PRKCE: variants seen among roughly 807,000 people sequenced by gnomAD.
The protein encoded by PRKCE is protein kinase C epsilon type.
In PRKCE, 16 loss-of-function variants were observed where a neutral mutation model predicts 85.4. The ratio of observed to expected loss-of-function variants is 0.19; its 90% CI spans 0.13 to 0.28. The LOEUF is 0.28. Ranked by LOEUF, PRKCE falls within the 10% of genes least tolerant of loss-of-function variation. PRKCE has a pLI of 1.00. For missense variants in PRKCE, 573 were observed against 975.2 expected, an observed-to-expected ratio of 0.59 and a Z score of 5.49; for synonymous variants, 388 against 371.5, an observed-to-expected ratio of 1.04 and a Z score of -0.51.
chr2:46,031,373 C>T (rs1707501524), intron 10 of PRKCE, among the ~76,000 whole-genome samples: 1 of 152,164 alleles, frequency 6.6e-6, no homozygotes, highest in African/African-American at 2.4e-5. Flanking sequence ...CCTTGATTGT[C>T]CTGACCTCCC....
rs973297921 is a variant in PRKCE, at chr2:45,895,605, A to G, written c.412+52542A>G. On this transcript the variant is annotated intron_variant, in intron 2 of 14. Coordinates refer to ENST00000306156, the MANE Select transcript of PRKCE (RefSeq NM_005400.3). The surrounding 1 kb of genome is among the most constrained non-coding windows in gnomAD (Gnocchi z 4.8). The stretch of plus-strand genomic sequence containing the variant: ...TTTTCTGAGTTTATGCAAAATGATC[A>G]TGTTTTATTCATTTGGTAGAAGTCA... Among the ~76,000 whole-genome samples, 1 of 152,186 alleles carries G rather than the reference A, an allele frequency of 6.6e-6. No individual in the cohort carries two copies. The highest frequency in any genetic ancestry group is 1.5e-5 in the Non-Finnish European group (1 of 68,032).
intron 2 of PRKCE, among the ~76,000 whole-genome samples, chr2:45,954,359 T>C (rs1303280806): frequency 6.6e-6 from 1 of 152,234 alleles, no homozygotes; most frequent in East Asian, 1.9e-4. Context: ...TGTGATCAAA[T>C]TGTAAGTTCC....
chr2:46,053,018 G>C (rs1467072166), intron 10 of PRKCE, among the ~76,000 whole-genome samples: 1 of 152,220 alleles, frequency 6.6e-6, no homozygotes, highest in Non-Finnish European at 1.5e-5. Flanking sequence ...TCACCCAACT[G>C]CCTGTGAACT....
intron 2 of PRKCE, among the ~76,000 whole-genome samples, chr2:45,859,542 A>G (rs2105638486): frequency 6.6e-6 from 1 of 152,234 alleles, no homozygotes; most frequent in South Asian, 2.1e-4. Flanking sequence ...TATAGTTTTA[A>G]TTTATATTTA....
chr2:45,901,746 G>T (rs1253927015), intron 2 of PRKCE, among the ~76,000 whole-genome samples: 3 of 152,092 alleles, frequency 2.0e-5, no homozygotes, highest in African/African-American at 7.2e-5. Flanking sequence ...CTCAGTCTTG[G>T]GGTAGAAGAT....
At chr2:45,896,509 C>G (rs982992779) in intron 2 of PRKCE, among the ~76,000 whole-genome samples, 5 of 152,282 alleles carry the variant, frequency 3.3e-5, no homozygotes, top group East Asian at 3.9e-4. Context: ...TTTTTCTGAA[C>G]TTCTCTTTTC....
chr2:45,763,598 A>C (rs1318581638), intron 1 of PRKCE, among the ~76,000 whole-genome samples: 1 of 151,988 alleles, frequency 6.6e-6, no homozygotes, highest in East Asian at 1.9e-4. Flanking sequence ...AAGTTTAGTA[A>C]TACTCAGTGT....
At chr2:45,835,494 C>T (rs532453959) in intron 1 of PRKCE, among the ~76,000 whole-genome samples, 7 of 152,114 alleles carry the variant, frequency 4.6e-5, no homozygotes, top group South Asian at 4.1e-4. Context: ...TTGTTTTGCC[C>T]GTTCTAGAAC....
intron 1 of PRKCE, among the ~76,000 whole-genome samples, chr2:45,708,276 C>T (rs1285822169): frequency 6.6e-6 from 1 of 152,196 alleles, no homozygotes; most frequent in Admixed American, 6.5e-5. Flanking sequence ...TATGTGTCCA[C>T]CAAAGCCTAC....
chr2:45,880,194 A>G (rs919165476), intron 2 of PRKCE, among the ~76,000 whole-genome samples: 7 of 152,126 alleles, frequency 4.6e-5, no homozygotes, highest in African/African-American at 1.7e-4. Flanking sequence ...AAATGACAAG[A>G]TTTCATTCTT....
chr2:45,725,907 C>T (rs1681033003), intron 1 of PRKCE, among the ~76,000 whole-genome samples: 1 of 151,890 alleles, frequency 6.6e-6, no homozygotes, highest in African/African-American at 2.4e-5. Context: ...AAAATTTCAA[C>T]ATTATCAAAA....
intron 10 of PRKCE, among the ~76,000 whole-genome samples, chr2:46,026,041 C>T (rs1215266826): frequency 6.6e-6 from 1 of 152,210 alleles, no homozygotes; most frequent in Non-Finnish European, 1.5e-5. Flanking sequence ...GATTCTTGTG[C>T]ATCCATATCC....
intron 1 of PRKCE, among the ~76,000 whole-genome samples, chr2:45,773,510 G>T (rs1315198352): frequency 6.6e-6 from 1 of 152,188 alleles, no homozygotes; most frequent in Non-Finnish European, 1.5e-5. Flanking sequence ...AAGAGGTAGG[G>T]TTGAGATTCA....
chr2:46,067,532 T>G (rs534344856), intron 10 of PRKCE, among the ~76,000 whole-genome samples: 1 of 152,306 alleles, frequency 6.6e-6, no homozygotes, highest in Admixed American at 6.5e-5. Context: ...CGTATTCAGG[T>G]TTGGGCCCAG....
At chr2:45,715,181 G>A (rs931863038) in intron 1 of PRKCE, among the ~76,000 whole-genome samples, 1 of 152,226 alleles carries the variant, frequency 6.6e-6, no homozygotes, top group Admixed American at 6.5e-5. Flanking sequence ...CCGTGTGCAT[G>A]ACGCTGTGCA....
chr2:45,897,527 T>C (rs1200462096), intron 2 of PRKCE, among the ~76,000 whole-genome samples: 1 of 152,220 alleles, frequency 6.6e-6, no homozygotes, highest in Non-Finnish European at 1.5e-5. Flanking sequence ...ATAGTTAGTG[T>C]TACAGAACAG....
At chr2:46,015,715 G>GAAAAAAAAAAAAAAAAAAAAAA (rs1706080548) in intron 10 of PRKCE, among the ~76,000 whole-genome samples, 1 of 139,508 alleles carries the variant, frequency 7.2e-6, no homozygotes, top group African/African-American at 2.7e-5. Flanking sequence ...AAAAAAAAAC[G>GAAAAAAAAAAAAAAAAAAAAAA]AAGTAAAAAT....
intron 12 of PRKCE, among the ~76,000 whole-genome samples, chr2:46,150,002 A>G (rs1676459658): frequency 6.6e-6 from 1 of 151,838 alleles, no homozygotes; most frequent in African/African-American, 2.4e-5. Flanking sequence ...GACTACAGAC[A>G]CGTACCACCA....
chr2:45,796,291 C>G (rs1331632314), intron 1 of PRKCE, among the ~76,000 whole-genome samples: 1 of 152,190 alleles, frequency 6.6e-6, no homozygotes, highest in Non-Finnish European at 1.5e-5. Flanking sequence ...CCAGCTCTCT[C>G]ACTAGCTGTA....
Sources: allele counts gnomAD v4.1 joint callset (sites outside exome capture counted in the v4.1 genomes callset), GRCh38; gene constraint gnomAD v4.1.1; non-coding constraint Gnocchi (gnomAD v3.1); transcripts MANE v1.5; gene names NCBI Gene and HGNC (gene_info 2026-07-23, HGNC 2026-07-21).